The following SPSB1 variants were observed in gnomAD, a reference collection of about 807,000 sequenced individuals.
SPSB1 encodes the protein splA/ryanodine receptor domain and SOCS box containing 1, also known as SPRY domain-containing SOCS box protein 1.
In SPSB1, 8 loss-of-function variants were observed where a neutral mutation model predicts 21.2. The observed-to-expected ratio is 0.38, with a 90% CI of 0.22 to 0.68. SPSB1 has a LOEUF of 0.68. Ranked by LOEUF, SPSB1 falls within the 30% of genes least tolerant of loss-of-function variation. SPSB1 has a pLI of 0.53. For missense variants in SPSB1, 242 were observed against 377.8 expected, an observed-to-expected ratio of 0.64 and a Z score of 2.98; for synonymous variants, 169 against 161.7, an observed-to-expected ratio of 1.05 and a Z score of -0.34.
intron 1 of SPSB1, among the ~76,000 whole-genome samples, chr1:9,308,148 ATG>A (rs1041322651): frequency 6.6e-6 from 1 of 152,228 alleles, no homozygotes; most frequent in Non-Finnish European, 1.5e-5. Flanking sequence ...TTTCCAAGAC[ATG>A]TCAGGCCCAA....
rs1319575814 is a variant in SPSB1 at position 9,367,777 on chromosome 1, A to G, written c.*202A>G. The G allele has an allele frequency of 2.2e-5, 17 of 758,648 alleles. No homozygotes were observed. The highest frequency in any genetic ancestry group is 7.6e-4 in the Middle Eastern group (2 of 2,628). 47.0% of individuals were successfully genotyped at this position (758,648 alleles called of 1,614,324 possible). On this transcript the variant is annotated 3_prime_UTR_variant, in exon 3 of 3. Coordinates refer to ENST00000328089, the MANE Select transcript of SPSB1 (RefSeq NM_025106.4). The surrounding 1 kb of genome is among the most constrained non-coding windows in gnomAD (Gnocchi z 5.9). ...AGGCTCCTCTTTCCCCCTTCCCGAC[A>G]TCAGCAGAAGGCAGCATCCCTGCAT... is the stretch of plus-strand genomic sequence containing the variant.
At position 9,369,449 on chromosome 1, in the gene SPSB1, T is replaced by C. The variant is rs1244528363; in HGVS notation, c.*1874T>C. Reference sequence around the variant, plus strand: ...TACCAGCCCAGAGCCTTGTGGCTTGTACAGTTTTGAAACTCCCGTTCTATT... The same window carrying C: ...TACCAGCCCAGAGCCTTGTGGCTTGCACAGTTTTGAAACTCCCGTTCTATT... On this transcript the variant is annotated 3_prime_UTR_variant, in exon 3 of 3. Transcript: ENST00000328089. 2 of 152,172 alleles carry C rather than the reference T, an allele frequency of 1.3e-5. No homozygotes were observed. Among genetic ancestry groups the C allele is most frequent in the South Asian group, 4.1e-4 (2 of 4,830 alleles). 9.4% of individuals were successfully genotyped at this position (152,172 alleles called of 1,614,324 possible). A position where few individuals can be genotyped will look rare whatever the true frequency, so the allele number is the denominator to read the frequency against.
intron 1 of SPSB1, among the ~76,000 whole-genome samples, chr1:9,339,711 G>A (rs766976638): frequency 7.2e-5 from 11 of 152,116 alleles, no homozygotes; most frequent in Admixed American, 1.3e-4. Context: ...CAGCAGGGTC[G>A]CCCTGACCTC....
chr1:9,296,753 C>T (rs1321815827), intron 1 of SPSB1, among the ~76,000 whole-genome samples: 2 of 152,204 alleles, frequency 1.3e-5, no homozygotes, highest in Non-Finnish European at 2.9e-5. Flanking sequence ...CTATGCGGGG[C>T]AAGAGTCGGG....
chr1:9,304,386 C>T (rs1018535178), intron 1 of SPSB1, among the ~76,000 whole-genome samples: 1 of 152,220 alleles, frequency 6.6e-6, no homozygotes, highest in African/African-American at 2.4e-5. Context: ...CCCATCCTTT[C>T]TCATCTGTCT....
chr1:9,312,214 C>T (rs956127330), intron 1 of SPSB1, among the ~76,000 whole-genome samples: 10 of 151,984 alleles, frequency 6.6e-5, no homozygotes, highest in Admixed American at 5.9e-4. Context: ...GTCACCCAGG[C>T]TGCAGTGCTA....
At chr1:9,302,892 A>G (rs1639358076) in intron 1 of SPSB1, among the ~76,000 whole-genome samples, 1 of 152,146 alleles carries the variant, frequency 6.6e-6, no homozygotes, top group Non-Finnish European at 1.5e-5. Flanking sequence ...CATATCCCCT[A>G]GGGACCCGCT....
chr1:9,296,280 C>A (rs1570164667), intron 1 of SPSB1, among the ~76,000 whole-genome samples: 1 of 152,254 alleles, frequency 6.6e-6, no homozygotes, highest in South Asian at 2.1e-4. Flanking sequence ...CATGTCCATT[C>A]TGCTGAGGAT....
intron 1 of SPSB1, among the ~76,000 whole-genome samples, chr1:9,326,950 G>C (rs1210753352): frequency 6.6e-6 from 1 of 152,180 alleles, no homozygotes; most frequent in Non-Finnish European, 1.5e-5. Flanking sequence ...CCTGCTTGCT[G>C]CCCTTTTCCA....
At chr1:9,327,782 T>A (rs1467758680) in intron 1 of SPSB1, among the ~76,000 whole-genome samples, 1 of 152,244 alleles carries the variant, frequency 6.6e-6, no homozygotes, top group East Asian at 1.9e-4. Context: ...TACTCGACTC[T>A]GTAGCGTGAA....
rs144820475 is a variant in SPSB1 at position 9,310,286 on chromosome 1, C to G, written c.-150+17215C>G. Among the ~76,000 whole-genome samples, 207 of 152,304 alleles carry G rather than the reference C, an allele frequency of 1.4e-3. 1 individual carries two copies. Among genetic ancestry groups the G allele is most frequent in the African/African-American group, 4.9e-3 (202 of 41,566 alleles). ...GATCCCAGGAAGCTTCAAGCAAACTCAAGATTCACAGGATTCAGACAACGG... is the reference window on the plus strand; with the variant it reads ...GATCCCAGGAAGCTTCAAGCAAACTGAAGATTCACAGGATTCAGACAACGG... On this transcript the variant is annotated intron_variant, in intron 1 of 2. Transcript: ENST00000328089.
At position 9,353,305 on chromosome 1, in the gene SPSB1, C is replaced by T. The variant is rs1015726010; in HGVS notation, c.-149-2438C>T. 1.3e-3 allele frequency among the ~76,000 whole-genome samples: 200 copies of T among 152,270 alleles called. 3 individuals carry two copies. The highest frequency in any genetic ancestry group is 0.013 in the Admixed American group (199 of 15,300). On this transcript the variant is annotated intron_variant, in intron 1 of 2. Transcript: ENST00000328089. ...CAGGGAAGGCCACACCCGCACCACACCAGACCCAGCTCTCTCCCCCTTCCC... is the reference window on the plus strand; with the variant it reads ...CAGGGAAGGCCACACCCGCACCACATCAGACCCAGCTCTCTCCCCCTTCCC...
Position 9,356,359 on chromosome 1 carries a change from G to A in SPSB1, c.468G>A (p.Gln156=), listed in dbSNP as rs549870769. The change falls in exon 2 of 3, where the codon CAG becomes CAA. Residue 156 remains glutamine (Q), a synonymous_variant. Coordinates refer to ENST00000328089, the MANE Select transcript of SPSB1 (RefSeq NM_025106.4). This position sits in a 1 kb window ranked among gnomAD's most constrained non-coding sequence, Gnocchi z 7.4. ...GGCTCTACCACGATGGCAAGAACCA[G>A]CCAAGCAAAACATACCCAGCCTTTC... ...RNRLYHDGKN[Q]PSKTYPAFLE... 6.2e-7 allele frequency: 1 copy of A among 1,614,120 alleles called. No homozygotes were observed. Among genetic ancestry groups the A allele is most frequent in the Admixed American group, 1.7e-5 (1 of 60,030 alleles).
At position 9,292,901 on chromosome 1, in the gene SPSB1, A is replaced by G; in HGVS notation, c.-320A>G. On this transcript the variant is annotated 5_prime_UTR_variant, in exon 1 of 3. Coordinates refer to ENST00000328089, the MANE Select transcript of SPSB1 (RefSeq NM_025106.4). ...GGTTGCTTTTTCTCCTCCGCACAGAAGTCGCGCTCGGGCAGCCTGCGCGCT... is the reference window on the plus strand; with the variant it reads ...GGTTGCTTTTTCTCCTCCGCACAGAGGTCGCGCTCGGGCAGCCTGCGCGCT... 2.0e-6 allele frequency: 2 copies of G among 981,964 alleles called. No homozygotes were observed. The highest frequency in any genetic ancestry group is 2.4e-6 in the Non-Finnish European group (2 of 829,062). The allele number at this position is 981,964 out of a possible 1,614,324, so 60.8% of individuals were successfully genotyped here. A position where few individuals can be genotyped will look rare whatever the true frequency, so the allele number is the denominator to read the frequency against.
intron 1 of SPSB1, among the ~76,000 whole-genome samples, chr1:9,334,664 C>A (rs1183149855): frequency 6.6e-6 from 1 of 152,152 alleles, no homozygotes; most frequent in South Asian, 2.1e-4. Context: ...ACTGACCCCC[C>A]ATTCCTGCTC....
rs1640611461 is a variant in SPSB1, at chr1:9,368,339, A to C, written c.*764A>C. The C allele has an allele frequency of 6.6e-6, 1 of 152,210 alleles. No individual in the cohort carries two copies. Among genetic ancestry groups the C allele is most frequent in the African/African-American group, 2.4e-5 (1 of 41,402 alleles). 9.4% of individuals were successfully genotyped at this position (152,210 alleles called of 1,614,324 possible). On this transcript the variant is annotated 3_prime_UTR_variant, in exon 3 of 3. Coordinates refer to ENST00000328089, the MANE Select transcript of SPSB1 (RefSeq NM_025106.4). ...CCGCCCTCCCTGGGCACATGTGCAC[A>C]CGTGCCCAGGCACAAGTATGTCTCT...
rs534376800 is a variant in SPSB1 at position 9,369,217 on chromosome 1, G to A, written c.*1642G>A. ...TATTATTTTGACGGTTTTTTTTTTC[G>A]GGGCAGGGGACCTTACCTGTAAGAC... On this transcript the variant is annotated 3_prime_UTR_variant, in exon 3 of 3. Coordinates refer to ENST00000328089, the MANE Select transcript of SPSB1 (RefSeq NM_025106.4). 3 of 145,208 alleles carry A rather than the reference G, an allele frequency of 2.1e-5. No homozygotes were observed. Among genetic ancestry groups the A allele is most frequent in the East Asian group, 2.0e-4 (1 of 4,906 alleles). The allele number at this position is 145,208 out of a possible 1,614,324, so 9.0% of individuals were successfully genotyped here.
At chr1:9,296,594 A>G (rs144903502) in intron 1 of SPSB1, among the ~76,000 whole-genome samples, 2 of 151,968 alleles carry the variant, frequency 1.3e-5, no homozygotes, top group Non-Finnish European at 2.9e-5. Flanking sequence ...ACATGTGTAC[A>G]CACACATACA....
intron 1 of SPSB1, among the ~76,000 whole-genome samples, chr1:9,295,475 GC>G (rs1159367919): frequency 6.6e-6 from 1 of 152,194 alleles, no homozygotes; most frequent in Non-Finnish European, 1.5e-5. Flanking sequence ...GGGTGGGCCT[GC>G]CTGGGGCCCT....
Sources: allele counts gnomAD v4.1 joint callset (sites outside exome capture counted in the v4.1 genomes callset), GRCh38; gene constraint gnomAD v4.1.1; non-coding constraint Gnocchi (gnomAD v3.1); transcripts MANE v1.5; gene names NCBI Gene and HGNC (gene_info 2026-07-23, HGNC 2026-07-21).